Variants in RPL12 observed in about 807,000 individuals in gnomAD.
RPL12 encodes the protein large ribosomal subunit protein uL11.
RPL12 carries 10 observed loss-of-function variants against 24.5 expected under a neutral mutation model. That is an observed-to-expected ratio of 0.41 (90% CI 0.25 to 0.69). The LOEUF (loss-of-function observed/expected upper bound fraction) is 0.69. Among genes scored for constraint, RPL12 ranks in the 30% least tolerant of loss-of-function variants. The pLI is 0.33. For synonymous variants in RPL12, 74 were observed against 76.1 expected (o/e 0.97, Z 0.14); for missense variants, 137 against 205.3 (o/e 0.67, Z 2.03).
chr9:127,448,279 A>C lies in RPL12; in HGVS notation c.379+58T>G, dbSNP rs573162107. The C allele has an allele frequency of 4.6e-5, 62 of 1,345,146 alleles. No individual in the cohort carries two copies. In the African/African-American group the frequency reaches 8.7e-4, roughly 19 times the overall value. The allele number at this position is 1,345,146 out of a possible 1,614,324, so 83.3% of individuals were successfully genotyped here. On this transcript the variant is annotated intron_variant, in intron 5 of 6. Transcript: ENST00000361436. ...GCACCCTTCAAGTAAGAAGAATGTT[A>C]TCACTCAGTGAAAAACACAACTACA...
chr9:127,450,303 G>C (rs1049792595), intron 2 of RPL12: 2 of 175,552 alleles, frequency 1.1e-5, no homozygotes, highest in African/African-American at 4.8e-5. Flanking sequence ...GCAGGCATGA[G>C]ACACAGCCTG....
rs1834302076 is a variant in RPL12 at position 127,451,198 on chromosome 9, CCCCATACGGGGAAAG to C, written c.37+68_37+82del. 3.2e-6 allele frequency: 5 copies of C among 1,556,516 alleles called. No individual in the cohort carries two copies. In the African/African-American group the frequency reaches 4.1e-5, roughly 13 times the overall value. On this transcript the variant is annotated intron_variant, in intron 1 of 6. Transcript: ENST00000361436. ...CTCTGGGAGGCAGCGGCTTTAAGAG[CCCCATACGGGGAAAG>C]CTTTGCACGCGCGGCAGGGCCGAGG...
chr9:127,450,434 G>T lies in RPL12; in HGVS notation c.111+297C>A, dbSNP rs529427403. On this transcript the variant is annotated intron_variant, in intron 2 of 6. Transcript: ENST00000361436. ...CACTTCCTGACGAGGAAATACAGAT[G>T]TTGGCTGCCCAATGTCTCTAAGCCA... 3.9e-5 allele frequency: 13 copies of T among 337,266 alleles called. No individual in the cohort carries two copies. The East Asian group carries it at 7.2e-4, about 19-fold the overall frequency. 20.9% of individuals were successfully genotyped at this position (337,266 alleles called of 1,614,324 possible). A position where few individuals can be genotyped will look rare whatever the true frequency, so the allele number is the denominator to read the frequency against.
intron 5 of RPL12, 92 bp downstream of exon 5, chr9:127,448,245 T>C: frequency 8.8e-7 from 1 of 1,131,962 alleles, no homozygotes; most frequent in Non-Finnish European, 1.3e-6. Context: ...CCATCTTGGG[T>C]CTCACTGAGC....
At chr9:127,448,450 CT>C in intron 4 of RPL12, 27 bp from the exon 5 acceptor site, 1 of 1,474,640 alleles carries the variant, frequency 6.8e-7, no homozygotes, top group Non-Finnish European at 9.5e-7. Context: ...AGCAAAAGCT[CT>C]TTTAAAGTCT....
In RPL12 at chr9:127,447,706, T is replaced by A. The variant is rs768144832; in HGVS notation, c.*15A>T. Reference sequence around the variant, plus strand: ...GTTGTCAAATGATCCTTTATTGAAATGTTTTCCTTTGTGCTTAACTCTGTG... The same window carrying A: ...GTTGTCAAATGATCCTTTATTGAAAAGTTTTCCTTTGTGCTTAACTCTGTG... On this transcript the variant is annotated 3_prime_UTR_variant, in exon 7 of 7. Transcript: ENST00000361436. 2.5e-6 allele frequency: 4 copies of A among 1,613,424 alleles called. No individual in the cohort carries two copies. The highest frequency in any genetic ancestry group is 1.1e-5 in the South Asian group (1 of 90,886).
chr9:127,447,780 C>A, intron 6 of RPL12, 54 bp from the exon 7 acceptor site: 1 of 1,612,906 alleles, frequency 6.2e-7, no homozygotes, highest in Non-Finnish European at 8.5e-7. Flanking sequence ...TATCCCACCC[C>A]ACCAGTAACC....
intron 4 of RPL12, chr9:127,448,674 A>G (rs1422363989): frequency 1.4e-6 from 1 of 704,550 alleles, no homozygotes; most frequent in East Asian, 2.8e-5. Context: ...GACATGGCAG[A>G]AACTGTTTTA....
chr9:127,447,765 AG>A, intron 6 of RPL12, 39 bp from the exon 7 acceptor site: 5 of 1,613,536 alleles, frequency 3.1e-6, no homozygotes, highest in African/African-American at 1.3e-5. Flanking sequence ...AAAGTTTAAA[AG>A]GATTATCCCA....
At position 127,451,271 on chromosome 9, in the gene RPL12, G is replaced by A. The variant is rs1231047163; in HGVS notation, c.37+10C>T. ...CATCCCGCAGCCCCGGCCACAACCA[G>A]AGCACGCACCGACTTTGATCTCGTT... On this transcript the variant is annotated intron_variant, in intron 1 of 6. Coordinates refer to ENST00000361436, the MANE Select transcript of RPL12 (RefSeq NM_000976.4). 1 of 1,613,090 alleles carries A rather than the reference G, an allele frequency of 6.2e-7. No individual in the cohort carries two copies. The highest frequency in any genetic ancestry group is 1.7e-5 in the Admixed American group (1 of 60,010).
chr9:127,449,488 T>C, intron 3 of RPL12, 122 bp downstream of exon 3: 1 of 1,296,454 alleles, frequency 7.7e-7, no homozygotes, highest in Non-Finnish European at 1.1e-6. Flanking sequence ...TGACAAAGCC[T>C]CCCCAACAAG....
Position 127,451,230 on chromosome 9 carries a change from G to C in RPL12, c.37+51C>G, listed in dbSNP as rs763021099. ...CGGGGAAAGCTTTGCACGCGCGGCA[G>C]GGCCGAGGGATGCTCCATCCCGCAG... is the stretch of plus-strand genomic sequence containing the variant. On this transcript the variant is annotated intron_variant, in intron 1 of 6. Coordinates refer to ENST00000361436, the MANE Select transcript of RPL12 (RefSeq NM_000976.4). The C allele has an allele frequency of 3.7e-6, 6 of 1,601,952 alleles. No individual in the cohort carries two copies. In the African/African-American group the frequency reaches 6.7e-5, roughly 18 times the overall value.
In RPL12 at chr9:127,448,361, G is replaced by A. The variant is rs780904603; in HGVS notation, c.355C>T (p.Arg119Ter). 4 of 1,613,536 alleles carry A rather than the reference G, an allele frequency of 2.5e-6. No individual in the cohort carries two copies. Among genetic ancestry groups the A allele is most frequent in the Non-Finnish European group, 3.4e-6 (4 of 1,179,496 alleles). ...CCAGAGAGTTCTCTGGCTAAGGATC[G>A]GTGCCGCATCTGTCGAGCAATGTTG... ...IVNIARQMRH[R>*]SLARELSGTI... is the part of the protein sequence containing the mutation. The change falls in exon 5 of 7, where the codon CGA becomes TGA. Residue 119 changes from arginine to a stop codon, truncating the protein, a stop_gained. Coordinates refer to ENST00000361436, the MANE Select transcript of RPL12 (RefSeq NM_000976.4). LOFTEE classifies it high-confidence loss of function.
intron 4 of RPL12, among the ~76,000 whole-genome samples, chr9:127,448,853 C>T (rs1179095256): frequency 1.4e-5 from 2 of 145,982 alleles, no homozygotes; most frequent in East Asian, 2.0e-4. Context: ...TTTTTTGAGA[C>T]GGAGTCTCAC....
chr9:127,450,400 C>T (rs998615134), intron 2 of RPL12: 7 of 262,394 alleles, frequency 2.7e-5, no homozygotes, highest in Non-Finnish European at 4.4e-5. Flanking sequence ...CTCCCAACAA[C>T]GCCATGCCCA....
chr9:127,447,800 A>ACTT, intron 6 of RPL12, 74 bp from the exon 7 acceptor site: 1 of 1,612,120 alleles, frequency 6.2e-7, no homozygotes, highest in Non-Finnish European at 8.5e-7. Flanking sequence ...CATTTCCAAA[A>ACTT]CTTCCCAGCT....
Position 127,451,289 on chromosome 9 carries a change from A to G in RPL12, c.29T>C (p.Ile10Thr), listed in dbSNP as rs769479121. 6.2e-7 allele frequency: 1 copy of G among 1,613,128 alleles called. No individual in the cohort carries two copies. Among genetic ancestry groups the G allele is most frequent in the Admixed American group, 1.7e-5 (1 of 60,002 alleles). ...ACAACCAGAGCACGCACCGACTTTG[A>G]TCTCGTTGGGGTCGAACTTCGGCGG... MPPKFDPNEIKVVYLRCTGG... is the reference protein window; with the variant it reads MPPKFDPNETKVVYLRCTGG... The change falls in exon 1 of 7, where the codon ATC (isoleucine) becomes ACC (threonine). Residue 10 changes from isoleucine (I) to threonine (T), a missense_variant. Coordinates refer to ENST00000361436, the MANE Select transcript of RPL12 (RefSeq NM_000976.4).
At position 127,448,761 on chromosome 9, in the gene RPL12, G is replaced by C. The variant is rs551259016; in HGVS notation, c.293-338C>G. On this transcript the variant is annotated intron_variant, in intron 4 of 6. Coordinates refer to ENST00000361436, the MANE Select transcript of RPL12 (RefSeq NM_000976.4). The stretch of plus-strand genomic sequence containing the variant: ...ACCTGTATGTGGTCTCCTGATTATA[G>C]GTCATTATTGCTGACATCTTCCTCC... 5.9e-5 allele frequency: 26 copies of C among 438,164 alleles called. No homozygotes were observed. In the Middle Eastern group the frequency reaches 2.2e-3, roughly 38 times the overall value. The allele number at this position is 438,164 out of a possible 1,614,324, so 27.1% of individuals were successfully genotyped here.
intron 1 of RPL12, 136 bp downstream of exon 1, chr9:127,451,145 G>T: frequency 8.3e-7 from 1 of 1,207,302 alleles, no homozygotes; most frequent in East Asian, 2.5e-5. Context: ...GCTGAGGCTT[G>T]GCCGGGGCGG....
Sources: allele counts gnomAD v4.1 joint callset (sites outside exome capture counted in the v4.1 genomes callset), GRCh38; gene constraint gnomAD v4.1.1; transcripts MANE v1.5; gene names NCBI Gene and HGNC (gene_info 2026-07-23, HGNC 2026-07-21).